Variants in RNLS observed in about 807,000 individuals in gnomAD.
RNLS encodes the protein renalase.
RNLS carries 39 observed loss-of-function variants against 39.8 expected under a neutral mutation model. That is an observed-to-expected ratio of 0.98 (90% CI 0.76 to 1.28). The LOEUF (loss-of-function observed/expected upper bound fraction) is 1.28, where lower values mean the gene tolerates loss of function less well. Ranked by LOEUF, RNLS falls within the 50% of genes most tolerant of loss-of-function variation. The pLI is 0.00. For synonymous variants in RNLS, 147 were observed against 150.7 expected, an observed-to-expected ratio of 0.98 and a Z score of 0.18; for missense variants, 410 against 413.3, an observed-to-expected ratio of 0.99 and a Z score of 0.07.
the RNLS span, among the ~76,000 whole-genome samples, chr10:88,197,885 T>C: frequency 6.6e-6 from 1 of 152,204 alleles, no homozygotes; most frequent in Non-Finnish European, 1.5e-5. Context: ...CTCACCATAC[T>C]GGCACTCTGA....
At chr10:88,418,000 A>C (rs1348616273) in intron 4 of RNLS, among the ~76,000 whole-genome samples, 1 of 152,160 alleles carries the variant, frequency 6.6e-6, no homozygotes, top group Admixed American at 6.5e-5. Flanking sequence ...AAATACATAA[A>C]AATATTCACA....
intron 4 of RNLS, among the ~76,000 whole-genome samples, chr10:88,436,431 T>G (rs759549874): frequency 3.3e-5 from 5 of 152,216 alleles, no homozygotes; most frequent in Admixed American, 2.6e-4. Context: ...TCTAGCCCCC[T>G]GTTCCACAGC....
intron 4 of RNLS, among the ~76,000 whole-genome samples, chr10:88,537,961 G>A (rs1010148337): frequency 6.6e-5 from 10 of 152,142 alleles, no homozygotes; most frequent in Admixed American, 6.6e-4. Context: ...GGGTTCCCCA[G>A]GGGAACTTGG....
In RNLS at chr10:88,582,995, T is replaced by C. The variant is rs1850732799; in HGVS notation, c.118+78A>G. On this transcript the variant is annotated intron_variant, in intron 1 of 6. Transcript: ENST00000331772. ...TATAGCGTTTTCGCCTTAGACTTTCTTGGGTGCAGGCCCACACCACCTCAG... is the reference window on the plus strand; with the variant it reads ...TATAGCGTTTTCGCCTTAGACTTTCCTGGGTGCAGGCCCACACCACCTCAG... The C allele has an allele frequency of 8.7e-6, 13 of 1,494,170 alleles. No individual in the cohort carries two copies. In the East Asian group the frequency reaches 2.7e-4, roughly 31 times the overall value. 92.6% of individuals were successfully genotyped at this position (1,494,170 alleles called of 1,614,324 possible). A position where few individuals can be genotyped will look rare whatever the true frequency, so the allele number is the denominator to read the frequency against.
In RNLS at chr10:88,539,575, A is replaced by G. The variant is rs548382326; in HGVS notation, c.526+33328T>C. 1.2e-4 allele frequency among the ~76,000 whole-genome samples: 18 copies of G among 152,220 alleles called. No homozygotes were observed. In the East Asian group the frequency reaches 3.1e-3, roughly 26 times the overall value. ...ATGAGCTCCATATAGCAAGGATGCT[A>G]CCTATTTTTCCACCACATATTTATC... On this transcript the variant is annotated intron_variant, in intron 4 of 6. Transcript: ENST00000331772.
chr10:88,328,832 C>T (rs377392920), intron 5 of RNLS, among the ~76,000 whole-genome samples: 1 of 152,184 alleles, frequency 6.6e-6, no homozygotes, highest in East Asian at 1.9e-4. Flanking sequence ...ATCTCAGATT[C>T]TCCCTCTAGG....
intron 4 of RNLS, among the ~76,000 whole-genome samples, chr10:88,434,593 T>TCATG (rs1855346208): frequency 6.6e-6 from 1 of 152,294 alleles, no homozygotes; most frequent in East Asian, 1.9e-4. Context: ...GGGATAACAG[T>TCATG]CATGGTATTA....
chr10:88,502,965 A>T (rs1475586393), intron 4 of RNLS, among the ~76,000 whole-genome samples: 2 of 152,126 alleles, frequency 1.3e-5, no homozygotes, highest in African/African-American at 4.8e-5. Context: ...ATAAAAGTAG[A>T]TTAAATACCA....
intron 4 of RNLS, among the ~76,000 whole-genome samples, chr10:88,560,607 A>G (rs906373460): frequency 3.0e-4 from 45 of 152,150 alleles, no homozygotes; most frequent in African/African-American, 1.0e-3. Context: ...AGAATGATTC[A>G]GAAGCAAACT....
At position 88,284,445 on chromosome 10, in the gene RNLS, A is replaced by C. The variant is rs1258872108; in HGVS notation, c.*909T>G. The C allele has an allele frequency of 1.0e-6, 1 of 985,232 alleles. No homozygotes were observed. 61.0% of individuals were successfully genotyped at this position (985,232 alleles called of 1,614,324 possible). Reference sequence around the variant, plus strand: ...GCAAGTCGTGGGGTCAGGTCACTGAAGCATGTGGGTGATATGCTGAACCAC... The same window carrying C: ...GCAAGTCGTGGGGTCAGGTCACTGACGCATGTGGGTGATATGCTGAACCAC... On this transcript the variant is annotated 3_prime_UTR_variant, in exon 7 of 7. Transcript: ENST00000331772.
chr10:88,264,874 G>A, the RNLS span, among the ~76,000 whole-genome samples: 2 of 152,056 alleles, frequency 1.3e-5, no homozygotes, highest in Admixed American at 6.6e-5. Context: ...TTTTTGTTGC[G>A]ATTGCTTTTG....
chr10:88,328,067 C>T (rs1846770666), intron 5 of RNLS, among the ~76,000 whole-genome samples: 1 of 151,474 alleles, frequency 6.6e-6, no homozygotes, highest in African/African-American at 2.4e-5. Flanking sequence ...ACCACCATAC[C>T]CAGCTAATTT....
chr10:88,548,601 T>A (rs1237459500), intron 4 of RNLS, among the ~76,000 whole-genome samples: 1 of 148,660 alleles, frequency 6.7e-6, no homozygotes, highest in East Asian at 1.9e-4. Flanking sequence ...ATCACAACAC[T>A]GCACTCCAGC....
intron 4 of RNLS, among the ~76,000 whole-genome samples, chr10:88,491,184 C>T (rs1844857985): frequency 6.6e-6 from 1 of 152,150 alleles, no homozygotes; most frequent in African/African-American, 2.4e-5. Flanking sequence ...TCATATTTAG[C>T]ACCTCACACT....
chr10:88,227,965 C>T, the RNLS span, among the ~76,000 whole-genome samples: 225 of 152,230 alleles, frequency 1.5e-3, 1 homozygote, highest in African/African-American at 5.1e-3. Context: ...CTTCCCTCTC[C>T]AACTAAAACT....
At chr10:88,188,332 C>A in the RNLS span, among the ~76,000 whole-genome samples, 1 of 152,226 alleles carries the variant, frequency 6.6e-6, no homozygotes, top group Non-Finnish European at 1.5e-5. Flanking sequence ...GCTAGGATTA[C>A]AGGCATGAGC....
At chr10:88,345,299 G>A (rs1365149852) in intron 5 of RNLS, among the ~76,000 whole-genome samples, 1 of 152,098 alleles carries the variant, frequency 6.6e-6, no homozygotes, top group East Asian at 1.9e-4. Flanking sequence ...ATTTGCTAAC[G>A]ATTTACTTCA....
intron 5 of RNLS, among the ~76,000 whole-genome samples, chr10:88,317,450 G>T (rs536534720): frequency 6.6e-6 from 1 of 152,166 alleles, no homozygotes; most frequent in Non-Finnish European, 1.5e-5. Flanking sequence ...TTTAGAAAGG[G>T]ATAACAGAAT....
chr10:88,358,228 G>C (rs901184571), intron 5 of RNLS, among the ~76,000 whole-genome samples: 7 of 152,152 alleles, frequency 4.6e-5, no homozygotes, highest in Admixed American at 6.5e-5. Flanking sequence ...TGGCAACAAG[G>C]GTTCTTTCAT....
Sources: allele counts gnomAD v4.1 joint callset (sites outside exome capture counted in the v4.1 genomes callset), GRCh38; gene constraint gnomAD v4.1.1; transcripts MANE v1.5; gene names NCBI Gene and HGNC (gene_info 2026-07-23, HGNC 2026-07-21).